Variants in STXBP5L observed in about 807,000 individuals in gnomAD.
STXBP5L encodes syntaxin binding protein 5L.
In STXBP5L, 65 loss-of-function variants were observed where a neutral mutation model predicts 144.5. The ratio of observed to expected loss-of-function variants is 0.45; its 90% CI spans 0.37 to 0.55. The LOEUF (loss-of-function observed/expected upper bound fraction) is 0.55. STXBP5L is among the 20% of genes least tolerant of loss of function. The probability of loss-of-function intolerance (pLI) is 0.00; values close to 1 mark genes in which losing one functional copy is unlikely to be tolerated. For missense variants in STXBP5L, 1,298 were observed against 1,405.5 expected, an observed-to-expected ratio of 0.92 and a Z score of 1.22; for synonymous variants, 505 against 469.6, an observed-to-expected ratio of 1.08 and a Z score of -0.97.
chr3:121,210,191 T>C (rs1376919569), intron 10 of STXBP5L, among the ~76,000 whole-genome samples: 1 of 152,212 alleles, frequency 6.6e-6, no homozygotes, highest in Non-Finnish European at 1.5e-5. Context: ...CCAGTGATGA[T>C]GAGCATTTTT....
chr3:121,003,671 T>G (rs1199070839), intron 3 of STXBP5L, among the ~76,000 whole-genome samples: 2 of 152,286 alleles, frequency 1.3e-5, no homozygotes, highest in East Asian at 3.9e-4. Context: ...TCTTCTAGGG[T>G]TTTTATGGTT....
rs142829849 is a variant in STXBP5L, at chr3:121,383,410, A to T, written c.2587+1878A>T. ...AGACTCCATCTCAATGAAAAATAAT[A>T]AAAAAATTAATTAAATCAAATGTGC... On this transcript the variant is annotated intron_variant, in intron 22 of 26. Coordinates refer to ENST00000471454, the MANE Select transcript of STXBP5L (RefSeq NM_001308330.2). Among the ~76,000 whole-genome samples the T allele has an allele frequency of 5.8e-3, 880 of 152,216 alleles. 3 individuals are homozygous for T. The highest frequency in any genetic ancestry group is 1.0e-2 in the South Asian group (48 of 4,824).
Position 121,170,278 on chromosome 3 carries a change from A to T in STXBP5L, c.877+12651A>T, listed in dbSNP as rs561306522. 3.4e-4 allele frequency among the ~76,000 whole-genome samples: 52 copies of T among 152,202 alleles called. No homozygotes were observed. The South Asian group carries it at 0.011, about 32-fold the overall frequency. ...AAAATTGACACCCTAACATCACAGT[A>T]AAAAGAACTAGAGAAGCAAGAGGAA... On this transcript the variant is annotated intron_variant, in intron 9 of 26. Transcript: ENST00000471454.
intron 20 of STXBP5L, among the ~76,000 whole-genome samples, chr3:121,336,263 G>A (rs1210999727): frequency 6.6e-6 from 1 of 152,182 alleles, no homozygotes; most frequent in African/African-American, 2.4e-5. Context: ...TTGGGAGGCT[G>A]AGGTGGGCAG....
chr3:121,355,207 A>G (rs548907943), intron 20 of STXBP5L, among the ~76,000 whole-genome samples: 3 of 152,044 alleles, frequency 2.0e-5, no homozygotes, highest in Non-Finnish European at 2.9e-5. Context: ...AGTGTTCTCT[A>G]TATTTCCTGA....
chr3:120,998,882 G>A (rs1417439072), intron 3 of STXBP5L, among the ~76,000 whole-genome samples: 2 of 152,006 alleles, frequency 1.3e-5, no homozygotes, highest in Non-Finnish European at 2.9e-5. Flanking sequence ...AGAAATGAAT[G>A]GAAAAACACT....
chr3:121,344,869 C>T (rs554514707), intron 20 of STXBP5L, among the ~76,000 whole-genome samples: 5 of 150,206 alleles, frequency 3.3e-5, no homozygotes, highest in African/African-American at 1.2e-4. Flanking sequence ...TCAAGGTGAC[C>T]ATTAGAAAAA....
At chr3:120,950,165 A>G (rs558374352) in intron 2 of STXBP5L, among the ~76,000 whole-genome samples, 4 of 151,976 alleles carry the variant, frequency 2.6e-5, no homozygotes, top group Admixed American at 6.6e-5. Context: ...TTATATTTAA[A>G]CGTACGATCC....
At chr3:121,394,094 A>G (rs563632080) in intron 22 of STXBP5L, among the ~76,000 whole-genome samples, 1 of 152,094 alleles carries the variant, frequency 6.6e-6, no homozygotes, top group East Asian at 1.9e-4. Flanking sequence ...TGTCATCTCA[A>G]TTTCTTTCAC....
At chr3:120,987,016 A>C (rs1362916579) in intron 3 of STXBP5L, among the ~76,000 whole-genome samples, 1 of 151,948 alleles carries the variant, frequency 6.6e-6, no homozygotes, top group Non-Finnish European at 1.5e-5. Flanking sequence ...TATAGAGAGA[A>C]TATTTGAAGA....
At chr3:120,975,382 C>T (rs981470946) in intron 3 of STXBP5L, among the ~76,000 whole-genome samples, 2 of 152,154 alleles carry the variant, frequency 1.3e-5, no homozygotes, top group African/African-American at 2.4e-5. Flanking sequence ...GTGATTTTTG[C>T]ACATTGATTT....
intron 20 of STXBP5L, among the ~76,000 whole-genome samples, chr3:121,358,113 C>G (rs1398209070): frequency 6.6e-6 from 1 of 152,120 alleles, no homozygotes; most frequent in Non-Finnish European, 1.5e-5. Context: ...CTTTGAGTTA[C>G]AAACAGTCCA....
intron 5 of STXBP5L, among the ~76,000 whole-genome samples, chr3:121,107,457 A>G (rs1274482173): frequency 1.3e-5 from 2 of 152,290 alleles, no homozygotes; most frequent in Non-Finnish European, 2.9e-5. Context: ...TCCCAGTGCC[A>G]TATATTAAAT....
chr3:120,917,007 C>T lies in STXBP5L; in HGVS notation c.189+7240C>T, dbSNP rs756466049. On this transcript the variant is annotated intron_variant, in intron 2 of 26. Coordinates refer to ENST00000471454, the MANE Select transcript of STXBP5L (RefSeq NM_001308330.2). ...GAAATGCTTACAGTTGGTAAACATCCATGTAGATGGAAAATGTGAAACTAG... is the reference window on the plus strand; with the variant it reads ...GAAATGCTTACAGTTGGTAAACATCTATGTAGATGGAAAATGTGAAACTAG... Among the ~76,000 whole-genome samples the T allele has an allele frequency of 1.6e-4, 24 of 152,058 alleles. No homozygotes were observed. In the South Asian group the frequency reaches 1.7e-3, roughly 11 times the overall value.
rs1211088116 is a variant in STXBP5L at position 121,116,284 on chromosome 3, AT to A, written c.605+1230del. On this transcript the variant is annotated intron_variant, in intron 6 of 26. Coordinates refer to ENST00000471454, the MANE Select transcript of STXBP5L (RefSeq NM_001308330.2). ...TGCAAAATTCTGATTAAAACACCCTATTTTTGTGAAGCTTGACGCTGGAAAT... is the reference window on the plus strand; with the variant it reads ...TGCAAAATTCTGATTAAAACACCCTATTTTGTGAAGCTTGACGCTGGAAAT... Among the ~76,000 whole-genome samples the A allele has an allele frequency of 3.3e-5, 5 of 152,184 alleles. No homozygotes were observed. In the East Asian group the frequency reaches 9.7e-4, roughly 29 times the overall value.
rs939405441 is a variant in STXBP5L, at chr3:121,407,320, T to A, written c.2665T>A (p.Tyr889Asn). 1.9e-6 allele frequency: 3 copies of A among 1,612,572 alleles called. No individual in the cohort carries two copies. The highest frequency in any genetic ancestry group is 2.5e-6 in the Non-Finnish European group (3 of 1,179,162). The change falls in exon 23 of 27, where the codon TAT becomes AAT. Residue 889 changes from tyrosine to asparagine, a missense_variant. Coordinates refer to ENST00000471454, the MANE Select transcript of STXBP5L (RefSeq NM_001308330.2). ...DRMGGLMQPP[Y>N]EVWRDPNNID... ...AATGGGTGGATTAATGCAACCGCCA[T>A]ATGAAGTTTGGAGGGATCCAAACAA...
At chr3:121,049,812 G>C (rs538076669) in intron 5 of STXBP5L, 1 of 153,664 alleles carries the variant, frequency 6.5e-6, no homozygotes, top group Non-Finnish European at 1.5e-5. Context: ...TGGTGTTGAG[G>C]TGCCTGGGGA....
intron 5 of STXBP5L, among the ~76,000 whole-genome samples, chr3:121,070,878 T>C (rs1175686679): frequency 6.6e-6 from 1 of 152,236 alleles, no homozygotes; most frequent in Non-Finnish European, 1.5e-5. Flanking sequence ...TGGTATATAA[T>C]GGCATTAGGG....
chr3:121,054,411 A>G (rs969837093), intron 5 of STXBP5L, among the ~76,000 whole-genome samples: 1 of 152,154 alleles, frequency 6.6e-6, no homozygotes, highest in Non-Finnish European at 1.5e-5. Flanking sequence ...CTATGCAGCC[A>G]TAAAAAGGAT....
Sources: allele counts gnomAD v4.1 joint callset (sites outside exome capture counted in the v4.1 genomes callset), GRCh38; gene constraint gnomAD v4.1.1; transcripts MANE v1.5; gene names NCBI Gene and HGNC (gene_info 2026-07-23, HGNC 2026-07-21).